Variants in PTPRU observed in about 807,000 individuals in gnomAD.
PTPRU encodes the protein protein tyrosine phosphatase receptor type U.
Under a neutral mutation model 166.3 loss-of-function variants are expected in PTPRU, and 69 were observed. The observed-to-expected ratio is 0.41, with a 90% CI of 0.34 to 0.51. The LOEUF is 0.51. Ranked by LOEUF, PTPRU falls within the 20% of genes least tolerant of loss-of-function variation. PTPRU has a pLI of 0.09. For missense variants in PTPRU, 1,657 were observed against 2,013.7 expected (o/e 0.82, Z 3.39); for synonymous variants, 793 against 814.0 (o/e 0.97, Z 0.44).
intron 7 of PTPRU, among the ~76,000 whole-genome samples, chr1:29,269,246 A>AGTTTTTT (rs1685450825): frequency 9.7e-5 from 2 of 20,588 alleles, no homozygotes; most frequent in Non-Finnish European, 2.0e-4. Flanking sequence ...ATATATATAT[A>AGTTTTTT]TTTTTTTTTT....
chr1:29,292,050 C>T (rs1388777608), intron 15 of PTPRU, 24 bp downstream of exon 15: 3 of 1,612,160 alleles, frequency 1.9e-6, no homozygotes, highest in African/African-American at 2.7e-5. Flanking sequence ...CCTCCTACCC[C>T]TTCTTCATGG....
chr1:29,266,390 T>G lies in PTPRU; in HGVS notation c.1144+5487T>G, dbSNP rs116161311. On this transcript the variant is annotated intron_variant, in intron 7 of 29. Transcript: ENST00000373779. ...TAAAGTGTGAGGTTTAGGTCAATGT[T>G]ATTTGTTGCTAATCAATATTCGTAA... 6.2e-3 allele frequency among the ~76,000 whole-genome samples: 952 copies of G among 152,330 alleles called. 13 individuals carry two copies. Among genetic ancestry groups the G allele is most frequent in the African/African-American group, 0.022 (902 of 41,574 alleles).
At chr1:29,313,183 T>A (rs1466357954) in intron 22 of PTPRU, among the ~76,000 whole-genome samples, 1 of 152,170 alleles carries the variant, frequency 6.6e-6, no homozygotes, top group Non-Finnish European at 1.5e-5. Context: ...CTCTCTCTGC[T>A]TTCTCCCTGG....
chr1:29,285,332 G>A (rs549970240), intron 14 of PTPRU, among the ~76,000 whole-genome samples: 3 of 152,208 alleles, frequency 2.0e-5, no homozygotes, highest in African/African-American at 4.8e-5. Flanking sequence ...GGCTCTTCCC[G>A]GGATCCACCT....
chr1:29,325,103 T>G, intron 28 of PTPRU, 88 bp from the exon 29 acceptor site: 4 of 1,542,482 alleles, frequency 2.6e-6, no homozygotes, highest in Non-Finnish European at 3.5e-6. Context: ...TCCTCTAGGC[T>G]CTCTGCCCCT....
chr1:29,257,757 AATG>A lies in PTPRU; in HGVS notation c.206-746_206-744del, dbSNP rs199684554. Among the ~76,000 whole-genome samples, 31 of 152,182 alleles carry A rather than the reference AATG, an allele frequency of 2.0e-4. No homozygotes were observed. The highest frequency in any genetic ancestry group is 1.5e-3 in the Admixed American group (23 of 15,300). On this transcript the variant is annotated intron_variant, in intron 2 of 29. Transcript: ENST00000373779. This position sits in a 1 kb window ranked among gnomAD's most constrained non-coding sequence, Gnocchi z 4.6. ...GTGGGAGACACACAGGCACTTTAGT[AATG>A]ACCCAGGGGGCAGGAGAGAAGCCCA... is the stretch of plus-strand genomic sequence containing the variant.
intron 26 of PTPRU, among the ~76,000 whole-genome samples, chr1:29,321,399 A>C (rs1035721560): frequency 2.6e-5 from 4 of 152,026 alleles, no homozygotes; most frequent in African/African-American, 9.7e-5. Flanking sequence ...TCATGGTCTT[A>C]TTTAGAATCT....
intron 1 of PTPRU, among the ~76,000 whole-genome samples, chr1:29,248,612 C>T (rs1684399428): frequency 6.6e-6 from 1 of 152,090 alleles, no homozygotes. Flanking sequence ...GCTCTGTTTG[C>T]CAGGTGTCTT....
chr1:29,246,997 C>T (rs1684327150), intron 1 of PTPRU, among the ~76,000 whole-genome samples: 1 of 152,200 alleles, frequency 6.6e-6, no homozygotes, highest in Non-Finnish European at 1.5e-5. Context: ...TTCCTCAGGA[C>T]TGTATTTATT....
chr1:29,253,258 G>A (rs1173434885), intron 1 of PTPRU, among the ~76,000 whole-genome samples: 1 of 152,162 alleles, frequency 6.6e-6, no homozygotes, highest in African/African-American at 2.4e-5. Context: ...GTCCTTTTGG[G>A]TATTTACGGA....
chr1:29,311,687 G>C lies in PTPRU; in HGVS notation c.3000G>C (p.Gly1000=). The change falls in exon 21 of 30, where the codon GGG becomes GGC. Residue 1000 remains glycine, a synonymous_variant. Coordinates refer to ENST00000373779, the MANE Select transcript of PTPRU (RefSeq NM_133178.4). The surrounding 1 kb of genome is among the most constrained non-coding windows in gnomAD (Gnocchi z 4.1). ...GGCCGGAGGACTCAGACACCTACGGGGACATCAAGATTATGCTGGTGAAGA... is the reference window on the plus strand; with the variant it reads ...GGCCGGAGGACTCAGACACCTACGGCGACATCAAGATTATGCTGGTGAAGA... ...RYWPEDSDTY[G]DIKIMLVKTE... 1.2e-6 allele frequency: 2 copies of C among 1,614,212 alleles called. No homozygotes were observed. Among genetic ancestry groups the C allele is most frequent in the Non-Finnish European group, 1.7e-6 (2 of 1,180,034 alleles).
chr1:29,236,713 G>T lies in PTPRU; in HGVS notation c.69G>T (p.Pro23=). 6.9e-7 allele frequency: 1 copy of T among 1,447,760 alleles called. No homozygotes were observed. Among genetic ancestry groups the T allele is most frequent in the South Asian group, 1.4e-5 (1 of 73,122 alleles). 89.7% of individuals were successfully genotyped at this position (1,447,760 alleles called of 1,614,324 possible). A position where few individuals can be genotyped will look rare whatever the true frequency, so the allele number is the denominator to read the frequency against. ...TCTGCGCGCCGGAGACCGAGACTCC[G>T]GCAGGTAAGCGCGCGGCGGCCGGAC... ...FQLCAPETET[P]AAGCTFEEAS... Residue 23 remains proline, a synonymous_variant, in exon 1 of 30, where the codon CCG becomes CCT. Transcript: ENST00000373779. The surrounding 1 kb of genome is among the most constrained non-coding windows in gnomAD (Gnocchi z 4.6).
At position 29,257,711 on chromosome 1, in the gene PTPRU, G is replaced by A. The variant is rs1004377760; in HGVS notation, c.206-794G>A. Among the ~76,000 whole-genome samples, 3 of 152,126 alleles carry A rather than the reference G, an allele frequency of 2.0e-5. No individual in the cohort carries two copies. The highest frequency in any genetic ancestry group is 7.2e-5 in the African/African-American group (3 of 41,430). ...TGTTCTACATATTCATTCAGCTTGCGTCCTGAGGCCTCACAGCCTGGTGGG... is the reference window on the plus strand; with the variant it reads ...TGTTCTACATATTCATTCAGCTTGCATCCTGAGGCCTCACAGCCTGGTGGG... On this transcript the variant is annotated intron_variant, in intron 2 of 29. Coordinates refer to ENST00000373779, the MANE Select transcript of PTPRU (RefSeq NM_133178.4). This position sits in a 1 kb window ranked among gnomAD's most constrained non-coding sequence, Gnocchi z 4.6.
chr1:29,258,885 A>G, intron 3 of PTPRU, 109 bp downstream of exon 3: 12 of 1,445,434 alleles, frequency 8.3e-6, no homozygotes, highest in Non-Finnish European at 1.1e-5. Flanking sequence ...GTCTGCATTC[A>G]GTATCAGAGG....
chr1:29,317,802 T>G lies in PTPRU; in HGVS notation c.3568T>G (p.Leu1190Val). 6.2e-7 allele frequency: 1 copy of G among 1,613,200 alleles called. No homozygotes were observed. Among genetic ancestry groups the G allele is most frequent in the Non-Finnish European group, 8.5e-7 (1 of 1,180,026 alleles). Residue 1190 changes from leucine to valine, a missense_variant, in exon 25 of 30, where the codon TTG becomes GTG. By Grantham distance (32) the Leu-to-Val change is conservative. Transcript: ENST00000373779. This position sits in a 1 kb window ranked among gnomAD's most constrained non-coding sequence, Gnocchi z 5.6. ...CGTGGAGGAGTGCAGCATCGCCCTG[T>G]TGCCCCGGAACCGCGACAAGAACCG... is the stretch of plus-strand genomic sequence containing the variant. ...LDVEECSIALLPRNRDKNRSM... is the reference protein window; with the variant it reads ...LDVEECSIALVPRNRDKNRSM...
chr1:29,294,949 G>A (rs950166151), intron 15 of PTPRU, among the ~76,000 whole-genome samples: 2 of 151,164 alleles, frequency 1.3e-5, no homozygotes, highest in African/African-American at 4.8e-5. Context: ...TCTAATTATC[G>A]AGGCTATTTA....
At position 29,304,051 on chromosome 1, in the gene PTPRU, C is replaced by T. The variant is rs376737572; in HGVS notation, c.2667+6C>T. The T allele has an allele frequency of 6.3e-5, 101 of 1,597,060 alleles. No homozygotes were observed. Among genetic ancestry groups the T allele is most frequent in the East Asian group, 5.0e-4 (22 of 44,436 alleles). On this transcript the variant is annotated splice_donor_region_variant and intron_variant, in intron 16 of 29. Transcript: ENST00000373779. The stretch of plus-strand genomic sequence containing the variant: ...GCTTCAAGCAGGAGTATGAGGTGCA[C>T]GCCGGCCCCGGGCCAGCAGGATCCC...
chr1:29,279,587 C>T lies in PTPRU; in HGVS notation c.1695C>T (p.Phe565=), dbSNP rs1478100294. ...SNLHPGTTYL[F]SVRARTGKGF... ...TGCACCCAGGCACCACCTACCTGTT[C>T]TCCGTGCGGGCCCGCACAGGCAAAG... The change falls in exon 10 of 30, where the codon TTC becomes TTT. Residue 565 remains phenylalanine (F), a synonymous_variant. Transcript: ENST00000373779. The surrounding 1 kb of genome is among the most constrained non-coding windows in gnomAD (Gnocchi z 5.2). 9.9e-6 allele frequency: 16 copies of T among 1,614,042 alleles called. No homozygotes were observed. Among genetic ancestry groups the T allele is most frequent in the Non-Finnish European group, 1.4e-5 (16 of 1,180,046 alleles).
In PTPRU at chr1:29,275,743, G is replaced by A. The variant is rs747663497; in HGVS notation, c.1440G>A (p.Gln480=). 2 of 1,614,008 alleles carry A rather than the reference G, an allele frequency of 1.2e-6. No individual in the cohort carries two copies. The highest frequency in any genetic ancestry group is 1.7e-6 in the Non-Finnish European group (2 of 1,179,918). The change falls in exon 8 of 30, where the codon CAG becomes CAA. Residue 480 remains glutamine, a synonymous_variant. Coordinates refer to ENST00000373779, the MANE Select transcript of PTPRU (RefSeq NM_133178.4). Reference sequence around the variant, plus strand: ...AAGAGGGCAAGGAGGTCACTTTCCAGACGGATGAGGATGGTAAGAGTCTCA... The same window carrying A: ...AAGAGGGCAAGGAGGTCACTTTCCAAACGGATGAGGATGGTAAGAGTCTCA... ...GRKEGKEVTF[Q]TDEDVPSGIA...
Sources: allele counts gnomAD v4.1 joint callset (sites outside exome capture counted in the v4.1 genomes callset), GRCh38; gene constraint gnomAD v4.1.1; non-coding constraint Gnocchi (gnomAD v3.1); transcripts MANE v1.5; gene names NCBI Gene and HGNC (gene_info 2026-07-23, HGNC 2026-07-21).